RLF: variants seen among roughly 807,000 people sequenced by gnomAD.
RLF encodes RLF zinc finger, also known as zinc finger protein Rlf.
Under a neutral mutation model 162.9 loss-of-function variants are expected in RLF, and 7 were observed. The observed-to-expected ratio is 0.04, with a 90% CI of 0.02 to 0.08. The LOEUF (loss-of-function observed/expected upper bound fraction) is 0.08, where lower values mean the gene tolerates loss of function less well. Ranked by LOEUF, RLF falls within the 10% of genes least tolerant of loss-of-function variation. The pLI, the probability that RLF is intolerant of heterozygous loss-of-function variation, is 1.00. For missense variants in RLF, 1,664 were observed against 2,244.7 expected (o/e 0.74, Z 5.23); for synonymous variants, 782 against 791.5 (o/e 0.99, Z 0.20).
At chr1:40,164,417 A>C (rs1003398326) in intron 1 of RLF, among the ~76,000 whole-genome samples, 1 of 152,208 alleles carries the variant, frequency 6.6e-6, no homozygotes, top group Non-Finnish European at 1.5e-5. Flanking sequence ...TTCAATTTTC[A>C]TAAGTTTGTG....
At chr1:40,183,351 A>G (rs1211493488) in intron 1 of RLF, among the ~76,000 whole-genome samples, 3 of 152,244 alleles carry the variant, frequency 2.0e-5, no homozygotes, top group Non-Finnish European at 4.4e-5. Context: ...TTGCCATAGA[A>G]CATACAGCTT....
At chr1:40,226,938 C>A (rs897794483) in intron 6 of RLF, among the ~76,000 whole-genome samples, 1 of 152,188 alleles carries the variant, frequency 6.6e-6, no homozygotes, top group African/African-American at 2.4e-5. Context: ...AGTCTCAGCT[C>A]ACTGCAACCT....
Position 40,238,813 on chromosome 1 carries a change from A to G in RLF, c.4111A>G (p.Lys1371Glu), listed in dbSNP as rs1643251311. ...TGCTTGCAAATATAAGGAATGTAATAAACGCTTCCTGTGTTCCAAAGCTCT... is the reference window on the plus strand; with the variant it reads ...TGCTTGCAAATATAAGGAATGTAATGAACGCTTCCTGTGTTCCAAAGCTCT... The part of the protein sequence containing the change: ...IFACKYKECN[K>E]RFLCSKALAK... The change falls in exon 8 of 8, where the codon AAA becomes GAA. Residue 1371 changes from lysine to glutamate, a missense_variant. Lys to Glu is a moderately conservative substitution (Grantham distance 56, BLOSUM62 1). This residue lies in a region of RLF where 200 missense variants were observed against 207.3 expected (regional missense o/e 0.96). Coordinates refer to ENST00000372771, the MANE Select transcript of RLF (RefSeq NM_012421.4). This position sits in a 1 kb window ranked among gnomAD's most constrained non-coding sequence, Gnocchi z 5.2. 1 of 1,613,590 alleles carries G rather than the reference A, an allele frequency of 6.2e-7. No homozygotes were observed. Among genetic ancestry groups the G allele is most frequent in the Non-Finnish European group, 8.5e-7 (1 of 1,179,828 alleles).
intron 5 of RLF, among the ~76,000 whole-genome samples, chr1:40,219,436 A>G (rs1187601179): frequency 6.6e-6 from 1 of 152,170 alleles, no homozygotes; most frequent in African/African-American, 2.4e-5. Flanking sequence ...CAGATATGAA[A>G]AAACTCTGGC....
Position 40,237,561 on chromosome 1 carries a change from G to A in RLF, c.2859G>A (p.Lys953=). Reference sequence around the variant, plus strand: ...TGGCAGTTTGTTTTGACGGGACTAAGTTTACCTGTGGTTTTGATGGCTGTG... The same window carrying A: ...TGGCAGTTTGTTTTGACGGGACTAAATTTACCTGTGGTTTTGATGGCTGTG... ...SSMAVCFDGT[K]FTCGFDGCGS... is the part of the protein sequence containing the mutation. Residue 953 remains lysine (K), a synonymous_variant, in exon 8 of 8, where the codon AAG becomes AAA. Coordinates refer to ENST00000372771, the MANE Select transcript of RLF (RefSeq NM_012421.4). The surrounding 1 kb of genome is among the most constrained non-coding windows in gnomAD (Gnocchi z 4.4). The A allele has an allele frequency of 1.2e-6, 2 of 1,614,132 alleles. No individual in the cohort carries two copies. The highest frequency in any genetic ancestry group is 8.5e-7 in the Non-Finnish European group (1 of 1,180,000).
At chr1:40,219,168 G>A (rs540241158) in intron 5 of RLF, among the ~76,000 whole-genome samples, 1 of 152,056 alleles carries the variant, frequency 6.6e-6, no homozygotes, top group South Asian at 2.1e-4. Flanking sequence ...TTATTAGTGA[G>A]GTGTTATCTC....
intron 3 of RLF, among the ~76,000 whole-genome samples, chr1:40,195,141 T>A (rs1307360934): frequency 6.6e-6 from 1 of 151,322 alleles, no homozygotes; most frequent in African/African-American, 2.4e-5. Flanking sequence ...GGCCCCATCC[T>A]AGTTTTTTTC....
intron 6 of RLF, among the ~76,000 whole-genome samples, chr1:40,230,872 G>T (rs1353706163): frequency 6.6e-6 from 1 of 152,044 alleles, no homozygotes; most frequent in East Asian, 1.9e-4. Context: ...TTTTTTGCGT[G>T]AGTGTTTTAC....
intron 3 of RLF, among the ~76,000 whole-genome samples, chr1:40,192,909 A>G (rs1243793501): frequency 1.3e-5 from 2 of 152,192 alleles, no homozygotes; most frequent in Non-Finnish European, 2.9e-5. Context: ...CACTCTGCAA[A>G]TGATTTTTTA....
intron 1 of RLF, among the ~76,000 whole-genome samples, chr1:40,174,859 T>C (rs1215384843): frequency 1.3e-5 from 2 of 152,166 alleles, no homozygotes; most frequent in African/African-American, 2.4e-5. Context: ...TTTTTCTTCA[T>C]AGTGAAATCT....
intron 5 of RLF, among the ~76,000 whole-genome samples, chr1:40,219,033 AG>A (rs1410249543): frequency 6.6e-6 from 1 of 152,156 alleles, no homozygotes; most frequent in Admixed American, 6.5e-5. Context: ...AACTCTCAAA[AG>A]TTTGTTGGTG....
At chr1:40,178,201 G>A (rs1316433039) in intron 1 of RLF, among the ~76,000 whole-genome samples, 1 of 151,902 alleles carries the variant, frequency 6.6e-6, no homozygotes, top group Non-Finnish European at 1.5e-5. Flanking sequence ...CCACTGAATT[G>A]CCTTTGCACC....
chr1:40,209,485 C>T (rs1405730745), intron 5 of RLF, among the ~76,000 whole-genome samples: 4 of 152,142 alleles, frequency 2.6e-5, no homozygotes, highest in Non-Finnish European at 4.4e-5. Flanking sequence ...GAGGATCCGT[C>T]GAAGTCAAGA....
chr1:40,185,926 G>A (rs1297357255), intron 1 of RLF, among the ~76,000 whole-genome samples: 2 of 150,630 alleles, frequency 1.3e-5, no homozygotes, highest in Non-Finnish European at 2.9e-5. Context: ...GGAGGCCAAG[G>A]CAGGCGGATC....
chr1:40,219,326 T>C (rs1319313799), intron 5 of RLF, among the ~76,000 whole-genome samples: 1 of 152,140 alleles, frequency 6.6e-6, no homozygotes, highest in African/African-American at 2.4e-5. Context: ...GTGCTTGTCA[T>C]GTGAAGATCC....
rs1393460573 is a variant in RLF, at chr1:40,189,206, T to C, written c.389T>C (p.Val130Ala). The change falls in exon 2 of 8, where the codon GTA becomes GCA. Residue 130 changes from valine (V) to alanine (A), a missense_variant. Coordinates refer to ENST00000372771, the MANE Select transcript of RLF (RefSeq NM_012421.4). ...EDVLLVLGRLVLSCFELLLSV... is the reference protein window; with the variant it reads ...EDVLLVLGRLALSCFELLLSV... ...GTCCTCTTAGTGCTTGGCAGATTAG[T>C]ACTGTAAGTTTGAGAACTTAAATCA... 1 of 1,609,178 alleles carries C rather than the reference T, an allele frequency of 6.2e-7. No individual in the cohort carries two copies.
At chr1:40,222,171 C>A (rs1054047458) in intron 5 of RLF, among the ~76,000 whole-genome samples, 1 of 151,866 alleles carries the variant, frequency 6.6e-6, no homozygotes, top group African/African-American at 2.4e-5. Flanking sequence ...TGAGGATAAG[C>A]CATATGTTTT....
chr1:40,186,054 G>A (rs1255335667), intron 1 of RLF, among the ~76,000 whole-genome samples: 7 of 152,032 alleles, frequency 4.6e-5, no homozygotes, highest in Non-Finnish European at 8.8e-5. Context: ...CTACTCAGGA[G>A]CCTGAGGTGA....
intron 5 of RLF, among the ~76,000 whole-genome samples, chr1:40,220,793 A>G (rs1642981452): frequency 6.6e-6 from 1 of 152,080 alleles, no homozygotes; most frequent in African/African-American, 2.4e-5. Context: ...CCTCAAGTTT[A>G]TAGTCTAGCT....
Sources: allele counts gnomAD v4.1 joint callset (sites outside exome capture counted in the v4.1 genomes callset), GRCh38; gene constraint gnomAD v4.1.1; regional missense constraint gnomAD v4.1.1; non-coding constraint Gnocchi (gnomAD v3.1); transcripts MANE v1.5; gene names NCBI Gene and HGNC (gene_info 2026-07-23, HGNC 2026-07-21).